MDGA2: variants seen among roughly 807,000 people sequenced by gnomAD.
MDGA2 encodes MAM domain-containing glycosylphosphatidylinositol anchor protein 2.
In MDGA2, 40 loss-of-function variants were observed where a neutral mutation model predicts 117.8. The observed-to-expected ratio is 0.34, with a 90% CI of 0.26 to 0.44. MDGA2 has a LOEUF of 0.44. MDGA2 is among the 20% of genes least tolerant of loss of function. The pLI, the probability that MDGA2 is intolerant of heterozygous loss-of-function variation, is 1.00. For missense variants in MDGA2, 1,123 were observed against 1,250.6 expected (o/e 0.90, Z 1.54); for synonymous variants, 452 against 439.0 (o/e 1.03, Z -0.37).
At chr14:47,382,992 G>A (rs539814760) in intron 1 of MDGA2, among the ~76,000 whole-genome samples, 1 of 152,276 alleles carries the variant, frequency 6.6e-6, no homozygotes, top group South Asian at 2.1e-4. Flanking sequence ...AATAAAATGT[G>A]GCACATATAC....
intron 6 of MDGA2, among the ~76,000 whole-genome samples, chr14:47,090,212 T>A (rs940643861): frequency 6.6e-6 from 1 of 152,130 alleles, no homozygotes; most frequent in African/African-American, 2.4e-5. Flanking sequence ...TCATCACTTT[T>A]TGGAAGAGAG....
At chr14:47,402,333 C>A (rs1243591578) in intron 1 of MDGA2, among the ~76,000 whole-genome samples, 1 of 6,894 alleles carries the variant, frequency 1.5e-4, no homozygotes, top group South Asian at 6.9e-3. Context: ...CCCAGAAACC[C>A]CCGCCCCCCC....
intron 8 of MDGA2, among the ~76,000 whole-genome samples, chr14:47,027,437 A>C (rs2138614896): frequency 6.6e-6 from 1 of 152,156 alleles, no homozygotes; most frequent in African/African-American, 2.4e-5. Flanking sequence ...ATGCTGAAAA[A>C]TAAAAATTTT....
chr14:47,581,144 T>C (rs1228411200), intron 1 of MDGA2, among the ~76,000 whole-genome samples: 10 of 151,982 alleles, frequency 6.6e-5, no homozygotes, highest in Non-Finnish European at 1.2e-4. Flanking sequence ...TTCATGAACA[T>C]ACAGGAAAGA....
chr14:47,662,384 T>G (rs532771609), intron 1 of MDGA2, among the ~76,000 whole-genome samples: 1 of 152,280 alleles, frequency 6.6e-6, no homozygotes, highest in East Asian at 1.9e-4. Context: ...TATGAATGTG[T>G]GTATGTATAT....
intron 1 of MDGA2, among the ~76,000 whole-genome samples, chr14:47,577,153 G>A (rs1278730498): frequency 6.6e-6 from 1 of 152,076 alleles, no homozygotes; most frequent in Non-Finnish European, 1.5e-5. Context: ...AGAGTAAAGA[G>A]TAGAAATAAG....
intron 1 of MDGA2, among the ~76,000 whole-genome samples, chr14:47,591,016 A>G (rs1256205699): frequency 2.6e-5 from 4 of 152,068 alleles, no homozygotes; most frequent in African/African-American, 4.8e-5. Flanking sequence ...TAACCCAATT[A>G]CAGCCTAACT....
At chr14:47,362,602 G>A (rs1025135185) in intron 1 of MDGA2, among the ~76,000 whole-genome samples, 15 of 151,874 alleles carry the variant, frequency 9.9e-5, no homozygotes, top group Non-Finnish European at 7.4e-5. Flanking sequence ...AGATTACTCT[G>A]AATATATAAG....
At chr14:47,250,958 A>G (rs1197016414) in intron 2 of MDGA2, among the ~76,000 whole-genome samples, 1 of 152,184 alleles carries the variant, frequency 6.6e-6, no homozygotes, top group Non-Finnish European at 1.5e-5. Flanking sequence ...CTCACCTGAA[A>G]TATATCAGTC....
At chr14:47,418,727 T>A (rs957036715) in intron 1 of MDGA2, among the ~76,000 whole-genome samples, 1 of 152,176 alleles carries the variant, frequency 6.6e-6, no homozygotes, top group Non-Finnish European at 1.5e-5. Context: ...CTTGCTAGCA[T>A]CTTATTGCAA....
At chr14:47,393,928 G>A (rs1332146487) in intron 1 of MDGA2, among the ~76,000 whole-genome samples, 3 of 152,046 alleles carry the variant, frequency 2.0e-5, no homozygotes, top group South Asian at 2.1e-4. Context: ...ACCAAAACCA[G>A]GACAACTGAT....
intron 1 of MDGA2, among the ~76,000 whole-genome samples, chr14:47,513,674 A>C (rs1405448979): frequency 6.6e-6 from 1 of 152,162 alleles, no homozygotes; most frequent in African/African-American, 2.4e-5. Flanking sequence ...CCTAAGGCTA[A>C]GAACCATAAA....
At chr14:46,910,807 G>A (rs1051723272) in intron 10 of MDGA2, among the ~76,000 whole-genome samples, 10 of 152,272 alleles carry the variant, frequency 6.6e-5, no homozygotes, top group African/African-American at 1.4e-4. Context: ...GGAATGCTAC[G>A]CAGCCATAAA....
chr14:46,911,665 T>C (rs762360651), intron 10 of MDGA2, among the ~76,000 whole-genome samples: 3 of 152,142 alleles, frequency 2.0e-5, no homozygotes, highest in Non-Finnish European at 4.4e-5. Context: ...AAATGACATA[T>C]AAGGAAATCA....
chr14:47,508,674 TTTTG>T (rs536050732), intron 1 of MDGA2, among the ~76,000 whole-genome samples: 26 of 151,872 alleles, frequency 1.7e-4, no homozygotes, highest in Non-Finnish European at 2.2e-4. Context: ...AACACAACTT[TTTTG>T]TTTGTTTGTT....
chr14:47,464,557 A>G (rs1594870508), intron 1 of MDGA2, among the ~76,000 whole-genome samples: 2 of 152,236 alleles, frequency 1.3e-5, no homozygotes, highest in South Asian at 4.1e-4. Flanking sequence ...TGAGAGCGAA[A>G]TCATAAAGGC....
At chr14:47,295,600 T>C (rs1252972931) in intron 2 of MDGA2, among the ~76,000 whole-genome samples, 1 of 152,078 alleles carries the variant, frequency 6.6e-6, no homozygotes, top group East Asian at 1.9e-4. Context: ...ACCTGCTCAT[T>C]TATATATCAA....
rs575829806 is a variant in MDGA2, at chr14:47,651,816, G to C, written c.280+22701C>G. 5.3e-5 allele frequency among the ~76,000 whole-genome samples: 8 copies of C among 152,252 alleles called. No individual in the cohort carries two copies. The South Asian group carries it at 1.7e-3, about 32-fold the overall frequency. On this transcript the variant is annotated intron_variant, in intron 1 of 16. Transcript: ENST00000399232. ...TCTGCTTTCAGGGATAAAAACGAAA[G>C]GTCAAGGTCAAGCATGACTTTCAGG...
intron 5 of MDGA2, among the ~76,000 whole-genome samples, chr14:47,123,683 A>G (rs1351763901): frequency 2.0e-5 from 3 of 152,062 alleles, no homozygotes; most frequent in East Asian, 1.9e-4. Context: ...AGTCATTTCT[A>G]TAGATTTTAG....
Sources: allele counts gnomAD v4.1 joint callset (sites outside exome capture counted in the v4.1 genomes callset), GRCh38; gene constraint gnomAD v4.1.1; transcripts MANE v1.5; gene names NCBI Gene and HGNC (gene_info 2026-07-23, HGNC 2026-07-21).